The following DCAF8L2 variants were observed in gnomAD, a reference collection of about 807,000 sequenced individuals.
DCAF8L2 encodes the protein DDB1 and CUL4 associated factor 8 like 2.
For synonymous variants in DCAF8L2, 200 were observed against 190.9 expected (o/e 1.05, Z -0.39); for missense variants, 430 against 490.7 (o/e 0.88, Z 1.17).
At chrX:27,723,230 A>C (rs965604817) in intron 4 of DCAF8L2, among the ~76,000 whole-genome samples, 9 of 110,487 alleles carry the variant, frequency 8.1e-5, no homozygotes, top group Admixed American at 1.9e-4. Context: ...CAGAAGGCCT[A>C]AATGAAAAGA....
At chrX:27,528,077 A>T in the DCAF8L2 span, among the ~76,000 whole-genome samples, 2 of 62,233 alleles carry the variant, frequency 3.2e-5, no homozygotes, top group East Asian at 5.5e-4. Context: ...TAATTTAATT[A>T]AATTAATTAT....
chrX:27,565,851 A>G, the DCAF8L2 span, among the ~76,000 whole-genome samples: 4 of 110,494 alleles, frequency 3.6e-5, no homozygotes, highest in African/African-American at 1.3e-4. Context: ...TTTTTGAGGG[A>G]CTTGGTGGGG....
In DCAF8L2 at chrX:27,599,467, TA is replaced by T. The variant is rs1388194970; in HGVS notation, c.-342+9032del. Among the ~76,000 whole-genome samples, 3 of 111,521 alleles carry T rather than the reference TA, an allele frequency of 2.7e-5. No individual in the cohort carries two copies. In the Admixed American group the frequency reaches 2.9e-4, roughly 11 times the overall value. On this transcript the variant is annotated intron_variant, in intron 1 of 4. Coordinates refer to ENST00000451261, the MANE Select transcript of DCAF8L2 (RefSeq NM_001353450.2). ...TGCTGCACAATCTAGTGCTTAGAGT[TA>T]AAAATACTTTATTGTGCCCCTAAAA... is the stretch of plus-strand genomic sequence containing the variant.
At position 27,733,264 on chromosome X, in the gene DCAF8L2, G is replaced by A. The variant is rs1432082304; in HGVS notation, c.-58-13574G>A. On this transcript the variant is annotated intron_variant, in intron 4 of 4. Transcript: ENST00000451261. Reference sequence around the variant, plus strand: ...TGATATCTCACTGTGGTTTTGATTTGCATTTCTGTGGTGATTAATGATATT... The same window carrying A: ...TGATATCTCACTGTGGTTTTGATTTACATTTCTGTGGTGATTAATGATATT... 7.2e-5 allele frequency among the ~76,000 whole-genome samples: 8 copies of A among 111,294 alleles called. No homozygotes were observed. In the East Asian group the frequency reaches 2.3e-3, roughly 31 times the overall value.
chrX:27,698,473 C>T (rs747373257), intron 3 of DCAF8L2, among the ~76,000 whole-genome samples: 58 of 111,500 alleles, frequency 5.2e-4, no homozygotes, highest in Non-Finnish European at 1.0e-3. Context: ...AGAGGATCTT[C>T]ATTTTTTAAC....
chrX:27,510,838 G>T, the DCAF8L2 span, among the ~76,000 whole-genome samples: 4 of 111,057 alleles, frequency 3.6e-5, no homozygotes, highest in Non-Finnish European at 7.6e-5. Context: ...CTAATACTTT[G>T]CACTGAAAAG....
intron 2 of DCAF8L2, among the ~76,000 whole-genome samples, chrX:27,673,892 C>T (rs1255509255): frequency 9.0e-6 from 1 of 111,037 alleles, no homozygotes; most frequent in Non-Finnish European, 1.9e-5. Context: ...GTTTGCACAG[C>T]TAGAAAGTAG....
chrX:27,720,084 G>GTT (rs58197195), intron 4 of DCAF8L2, among the ~76,000 whole-genome samples: 5 of 107,475 alleles, frequency 4.7e-5, no homozygotes, highest in African/African-American at 1.7e-4. Context: ...TGAGTCAAGG[G>GTT]TTTTTTTTTA....
the DCAF8L2 span, among the ~76,000 whole-genome samples, chrX:27,514,501 C>G: frequency 9.5e-6 from 1 of 105,222 alleles, no homozygotes; most frequent in East Asian, 3.0e-4. Context: ...AACCCCGTCT[C>G]TACTAAAAAT....
In DCAF8L2 at chrX:27,747,256, CAAGAGGAGGGAG is replaced by C; in HGVS notation, c.362_373del (p.Gln121_Gly125delinsArg). The C allele has an allele frequency of 8.9e-7, 1 of 1,121,204 alleles. No individual in the cohort carries two copies. The highest frequency in any genetic ancestry group is 1.2e-6 in the Non-Finnish European group (1 of 850,583). The allele number at this position is 1,121,204 out of a possible 1,213,427, so 92.4% of individuals were successfully genotyped here. ...AAGGGAGGAGGAAGACGAAGAGATACAAGAGGAGGGAGGGGAGGAGGAGGAAGAGGAGGAGGA... is the reference window on the plus strand; with the variant it reads ...AAGGGAGGAGGAAGACGAAGAGATACGGGAGGAGGAGGAAGAGGAGGAGGA... On this transcript the variant is annotated inframe_deletion, in exon 5 of 5. Transcript: ENST00000451261.
intron 1 of DCAF8L2, among the ~76,000 whole-genome samples, chrX:27,605,398 T>C (rs906409670): frequency 9.0e-6 from 1 of 111,546 alleles, no homozygotes. Flanking sequence ...TTTGTGAACT[T>C]GAAAATTATT....
chrX:27,731,149 G>T lies in DCAF8L2; in HGVS notation c.-59+14978G>T, dbSNP rs558882309. 1.4e-4 allele frequency among the ~76,000 whole-genome samples: 15 copies of T among 110,491 alleles called. No individual in the cohort carries two copies. In the South Asian group the frequency reaches 5.4e-3, roughly 40 times the overall value. Reference sequence around the variant, plus strand: ...TGTAGGCCCAGCACATTGGGAGACCGAGGCGGGTGGATCACTTGAGGTCAA... The same window carrying T: ...TGTAGGCCCAGCACATTGGGAGACCTAGGCGGGTGGATCACTTGAGGTCAA... On this transcript the variant is annotated intron_variant, in intron 4 of 4. Coordinates refer to ENST00000451261, the MANE Select transcript of DCAF8L2 (RefSeq NM_001353450.2).
At chrX:27,547,478 T>A in the DCAF8L2 span, among the ~76,000 whole-genome samples, 1 of 111,917 alleles carries the variant, frequency 8.9e-6, no homozygotes, top group Non-Finnish European at 1.9e-5. Flanking sequence ...GAGTAATTTA[T>A]AAAGAAAAGA....
At chrX:27,569,473 C>CT in the DCAF8L2 span, among the ~76,000 whole-genome samples, 1 of 111,643 alleles carries the variant, frequency 9.0e-6, no homozygotes, top group African/African-American at 3.3e-5. Context: ...TGGCCAATAC[C>CT]TTTTTTTGTT....
At chrX:27,572,142 G>A in the DCAF8L2 span, among the ~76,000 whole-genome samples, 3 of 112,089 alleles carry the variant, frequency 2.7e-5, no homozygotes, top group Non-Finnish European at 5.6e-5. Context: ...TTTTCTGTAT[G>A]CTCCTCAGTA....
chrX:27,518,464 G>A, the DCAF8L2 span: 1 of 482,756 alleles, frequency 2.1e-6, no homozygotes. Flanking sequence ...AAGGGGGTCA[G>A]GCGTGGTGGC....
chrX:27,656,391 A>G (rs1270642263), intron 2 of DCAF8L2, among the ~76,000 whole-genome samples: 4 of 112,103 alleles, frequency 3.6e-5, no homozygotes, highest in African/African-American at 9.7e-5. Context: ...GCTTTGCTTT[A>G]TTTGTTTTTA....
At chrX:27,540,513 A>G in the DCAF8L2 span, among the ~76,000 whole-genome samples, 2 of 111,658 alleles carry the variant, frequency 1.8e-5, no homozygotes, top group South Asian at 3.8e-4. Context: ...TAGAAGCTAA[A>G]AACACTGATC....
chrX:27,708,194 C>T (rs956717745), intron 3 of DCAF8L2, among the ~76,000 whole-genome samples: 1 of 111,152 alleles, frequency 9.0e-6, no homozygotes, highest in Non-Finnish European at 1.9e-5. Flanking sequence ...TCTATTGTTC[C>T]CATCTTTATG....
Sources: allele counts gnomAD v4.1 joint callset (sites outside exome capture counted in the v4.1 genomes callset), GRCh38; gene constraint gnomAD v4.1.1; transcripts MANE v1.5; gene names NCBI Gene and HGNC (gene_info 2026-07-23, HGNC 2026-07-21).